The following DBNDD1 variants were observed in gnomAD, a reference collection of about 807,000 sequenced individuals.
DBNDD1 encodes dysbindin domain-containing protein 1.
In DBNDD1, 14 loss-of-function variants were observed where a neutral mutation model predicts 17.0. The observed-to-expected ratio is 0.82, with a 90% CI of 0.54 to 1.29. The LOEUF is 1.29. DBNDD1 is among the 50% of genes most tolerant of loss of function. The pLI, the probability that DBNDD1 is intolerant of heterozygous loss-of-function variation, is 0.00. For missense variants in DBNDD1, 221 were observed against 216.2 expected (o/e 1.02, Z -0.14); for synonymous variants, 105 against 102.0 (o/e 1.03, Z -0.18).
At chr16:90,014,406 TG>T (rs2035605338) in intron 1 of DBNDD1, among the ~76,000 whole-genome samples, 1 of 152,032 alleles carries the variant, frequency 6.6e-6, no homozygotes. Context: ...ATTATAGGTG[TG>T]AGCCACCGTG....
In DBNDD1 at chr16:90,009,274, C is replaced by A. The variant is rs1251273627; in HGVS notation, c.178+10G>T. ...CCCATAGCGTGCGCTGGGCAGGGAG[C>A]AGTACTTACGCCTCCTCTCCGTGAC... On this transcript the variant is annotated intron_variant, in intron 2 of 3. Transcript: ENST00000002501. 1.2e-6 allele frequency: 2 copies of A among 1,612,586 alleles called. No individual in the cohort carries two copies. Among genetic ancestry groups the A allele is most frequent in the East Asian group, 2.2e-5 (1 of 44,892 alleles).
intron 3 of DBNDD1, chr16:90,007,461 G>A (rs995685503): frequency 6.6e-6 from 1 of 152,298 alleles, no homozygotes; most frequent in African/African-American, 2.4e-5. Context: ...GTCAGAGACT[G>A]AGGACGCGCT....
chr16:90,006,591 A>T, intron 3 of DBNDD1, 99 bp from the exon 4 acceptor site: 9 of 1,443,474 alleles, frequency 6.2e-6, no homozygotes, highest in Non-Finnish European at 8.4e-6. Context: ...ACTCCTGCCA[A>T]TGCTCTGCAC....
intron 1 of DBNDD1, among the ~76,000 whole-genome samples, chr16:90,014,303 C>T (rs1279992997): frequency 1.3e-5 from 2 of 151,824 alleles, no homozygotes; most frequent in East Asian, 1.9e-4. Context: ...ATTTTTGTAT[C>T]TTTAGTAGAG....
At chr16:90,016,606 C>T (rs2035646402) in intron 1 of DBNDD1, among the ~76,000 whole-genome samples, 1 of 152,158 alleles carries the variant, frequency 6.6e-6, no homozygotes, top group African/African-American at 2.4e-5. Flanking sequence ...GATGAGTGGG[C>T]ACTGAAGGAG....
chr16:90,014,653 C>T (rs1259868330), intron 1 of DBNDD1, among the ~76,000 whole-genome samples: 1 of 152,196 alleles, frequency 6.6e-6, no homozygotes, highest in African/African-American at 2.4e-5. Context: ...AAAGCTCTAG[C>T]CCTGTGGAAG....
intron 1 of DBNDD1, among the ~76,000 whole-genome samples, chr16:90,015,580 C>G (rs1444635856): frequency 6.6e-6 from 1 of 152,152 alleles, no homozygotes; most frequent in Non-Finnish European, 1.5e-5. Flanking sequence ...TAGCGTGATT[C>G]ACAGTAGCCA....
intron 1 of DBNDD1, among the ~76,000 whole-genome samples, chr16:90,016,547 CT>C (rs1377485498): frequency 6.6e-6 from 1 of 152,140 alleles, no homozygotes; most frequent in African/African-American, 2.4e-5. Flanking sequence ...AGCACAGCCC[CT>C]ATCAAGGGGG....
upstream of DBNDD1, chr16:90,019,829 G>A (rs1567838950): frequency 2.9e-6 from 2 of 689,380 alleles, no homozygotes; most frequent in African/African-American, 3.5e-5. This position sits in a 1 kb window ranked among gnomAD's most constrained non-coding sequence, Gnocchi z 6.1. Flanking sequence ...GAGGGGCACA[G>A]GAGGGGCCTG....
At chr16:90,019,871 C>T (rs1160279411), upstream of DBNDD1, 2 of 677,512 alleles carry the variant, frequency 3.0e-6, no homozygotes, top group Non-Finnish European at 5.4e-6. This position sits in a 1 kb window ranked among gnomAD's most constrained non-coding sequence, Gnocchi z 6.1. Flanking sequence ...ACTCACAGAG[C>T]GCCCTGGATG....
Position 90,005,850 on chromosome 16 carries a change from C to T in DBNDD1, c.*485G>A, listed in dbSNP as rs1246895503. On this transcript the variant is annotated 3_prime_UTR_variant, in exon 4 of 4. Coordinates refer to ENST00000002501, the MANE Select transcript of DBNDD1 (RefSeq NM_001042610.3). ...CAGCACATTGTCCCATTAGCCACTA[C>T]CAAACCCGCCTCTGGCTTCTGAGCT... 1 of 161,576 alleles carries T rather than the reference C, an allele frequency of 6.2e-6. No homozygotes were observed. The highest frequency in any genetic ancestry group is 1.4e-5 in the Non-Finnish European group (1 of 72,630). 10.0% of individuals were successfully genotyped at this position (161,576 alleles called of 1,614,324 possible). A position where few individuals can be genotyped will look rare whatever the true frequency, so the allele number is the denominator to read the frequency against.
intron 1 of DBNDD1, among the ~76,000 whole-genome samples, chr16:90,012,454 TCTC>T (rs1346128394): frequency 2.8e-5 from 4 of 143,632 alleles, no homozygotes; most frequent in Non-Finnish European, 3.1e-5. Context: ...CACCCCCTCC[TCTC>T]CTCTCTCTTT....
At chr16:90,018,216 G>A (rs961701341) in intron 1 of DBNDD1, among the ~76,000 whole-genome samples, 4 of 152,212 alleles carry the variant, frequency 2.6e-5, no homozygotes, top group African/African-American at 9.6e-5. Context: ...CTGCTACTGG[G>A]AATACCCAGG....
Position 90,006,395 on chromosome 16 carries a change from G to T in DBNDD1, c.417C>A (p.Pro139=). The change falls in exon 4 of 4, where the codon CCC becomes CCA. Residue 139 remains proline, a synonymous_variant. Coordinates refer to ENST00000002501, the MANE Select transcript of DBNDD1 (RefSeq NM_001042610.3). ...TGTCCAGGACTGTGGCCTGCCGCTC[G>T]GGGTCGCCTAGGGGCTGCTTCTCGT... ...QSHEKQPLGD[P]ERQATVLDTF... is the part of the protein sequence containing the mutation. 1.2e-6 allele frequency: 2 copies of T among 1,607,244 alleles called. No individual in the cohort carries two copies. Among genetic ancestry groups the T allele is most frequent in the Non-Finnish European group, 8.5e-7 (1 of 1,179,766 alleles).
At chr16:90,009,722 G>A in intron 1 of DBNDD1, 1 of 624,434 alleles carries the variant, frequency 1.6e-6, no homozygotes, top group Non-Finnish European at 2.8e-6. Context: ...CGACCATGCA[G>A]GCGTGGAAGT....
intron 1 of DBNDD1, among the ~76,000 whole-genome samples, chr16:90,016,955 A>G (rs1205148825): frequency 6.6e-6 from 1 of 152,128 alleles, no homozygotes; most frequent in East Asian, 1.9e-4. Context: ...TTGGACCCCC[A>G]AAGTATTTCA....
chr16:90,019,322 G>A lies in DBNDD1; in HGVS notation c.20C>T (p.Ala7Val). MEPPEG[A>V]GTGEIVKEAE... is the part of the protein sequence containing the mutation. ...GGGGCTGAACTCACCTCCGGTGCCGGCGCCCTCCGGGGGCTCCATGCGGCC... is the reference window on the plus strand; with the variant it reads ...GGGGCTGAACTCACCTCCGGTGCCGACGCCCTCCGGGGGCTCCATGCGGCC... Residue 7 changes from alanine to valine, a missense_variant, in exon 1 of 4, where the codon GCC (alanine) becomes GTC (valine). Coordinates refer to ENST00000002501, the MANE Select transcript of DBNDD1 (RefSeq NM_001042610.3). The surrounding 1 kb of genome is among the most constrained non-coding windows in gnomAD (Gnocchi z 6.1). The A allele has an allele frequency of 8.2e-7, 1 of 1,219,876 alleles. No homozygotes were observed. Among genetic ancestry groups the A allele is most frequent in the Non-Finnish European group, 1.0e-6 (1 of 979,950 alleles). The allele number at this position is 1,219,876 out of a possible 1,614,324, so 75.6% of individuals were successfully genotyped here. A position where few individuals can be genotyped will look rare whatever the true frequency, so the allele number is the denominator to read the frequency against.
At chr16:90,017,419 C>T (rs2035658137) in intron 1 of DBNDD1, among the ~76,000 whole-genome samples, 1 of 151,904 alleles carries the variant, frequency 6.6e-6, no homozygotes, top group African/African-American at 2.4e-5. Context: ...GGCGTGAACC[C>T]GGGAGGTGGA....
At chr16:90,013,762 G>T (rs745736836) in intron 1 of DBNDD1, among the ~76,000 whole-genome samples, 13 of 152,180 alleles carry the variant, frequency 8.5e-5, no homozygotes, top group Non-Finnish European at 1.6e-4. Context: ...CTGTTCTGGG[G>T]ACATGGCATA....
Sources: allele counts gnomAD v4.1 joint callset (sites outside exome capture counted in the v4.1 genomes callset), GRCh38; gene constraint gnomAD v4.1.1; non-coding constraint Gnocchi (gnomAD v3.1); transcripts MANE v1.5; gene names NCBI Gene and HGNC (gene_info 2026-07-23, HGNC 2026-07-21).